ZPLD1: variants seen among roughly 807,000 people sequenced by gnomAD.
ZPLD1 encodes zona pellucida-like domain-containing protein 1.
In ZPLD1, 34 loss-of-function variants were observed where a neutral mutation model predicts 47.2. That is an observed-to-expected ratio of 0.72 (90% CI 0.55 to 0.96). ZPLD1 has a LOEUF of 0.96. ZPLD1 is among the 40% of genes least tolerant of loss of function. The pLI, the probability that ZPLD1 is intolerant of heterozygous loss-of-function variation, is 0.00. For synonymous variants in ZPLD1, 176 were observed against 186.2 expected, an observed-to-expected ratio of 0.95 and a Z score of 0.45; for missense variants, 512 against 505.8, an observed-to-expected ratio of 1.01 and a Z score of -0.12.
chr3:102,448,237 A>G (rs1160158490), intron 3 of ZPLD1, among the ~76,000 whole-genome samples: 2 of 152,188 alleles, frequency 1.3e-5, no homozygotes, highest in Non-Finnish European at 2.9e-5. Context: ...CTGCCATTTG[A>G]CATACTTAGT....
chr3:102,445,050 C>T (rs192738201), intron 3 of ZPLD1, among the ~76,000 whole-genome samples: 2 of 152,194 alleles, frequency 1.3e-5, no homozygotes, highest in African/African-American at 2.4e-5. Context: ...ACAGGCACCA[C>T]CACTGCCAGA....
rs780872888 is a variant in ZPLD1, at chr3:102,477,495, A to G, written c.1125A>G (p.Ile375Met). The G allele has an allele frequency of 3.7e-5, 60 of 1,613,708 alleles. No individual in the cohort carries two copies. The highest frequency in any genetic ancestry group is 4.7e-5 in the Non-Finnish European group (55 of 1,179,776). ...FQLNAITSAL[I>M]SGMVILGVTS... ...TGAACGCCATCACCAGCGCACTGAT[A>G]TCAGGAATGGTCATTCTGGGAGTTA... The change falls in exon 12 of 12, where the codon ATA (isoleucine) becomes ATG (methionine). Residue 375 changes from isoleucine (I) to methionine (M), a missense_variant. Ile to Met is a conservative substitution (Grantham distance 10). Transcript: ENST00000466937.
At chr3:102,435,230 G>C in intron 1 of ZPLD1, 76 bp downstream of exon 1, 2 of 1,544,926 alleles carry the variant, frequency 1.3e-6, no homozygotes, top group Non-Finnish European at 1.8e-6. Context: ...CTATAAAGAA[G>C]GCTTGAAAAT....
chr3:102,470,526 T>G (rs768007559), intron 10 of ZPLD1, 24 bp downstream of exon 10: 2 of 1,597,046 alleles, frequency 1.3e-6, no homozygotes, highest in South Asian at 1.1e-5. Context: ...TCCTTCTGTA[T>G]GTAGTAATAG....
intron 10 of ZPLD1, among the ~76,000 whole-genome samples, chr3:102,474,333 G>A (rs1481762070): frequency 3.3e-5 from 5 of 152,216 alleles, no homozygotes; most frequent in African/African-American, 1.2e-4. Context: ...AACCCAAGCC[G>A]TATTCTTGTT....
intron 2 of ZPLD1, among the ~76,000 whole-genome samples, chr3:102,437,671 A>G (rs1429066757): frequency 6.6e-6 from 1 of 152,234 alleles, no homozygotes; most frequent in African/African-American, 2.4e-5. Flanking sequence ...GCATCCAGGA[A>G]AAAGAATTAT....
At chr3:102,465,437 G>T (rs527960656) in intron 8 of ZPLD1, among the ~76,000 whole-genome samples, 1 of 151,990 alleles carries the variant, frequency 6.6e-6, no homozygotes, top group Non-Finnish European at 1.5e-5. Flanking sequence ...AACATTTAAA[G>T]GTATTAAAAT....
At chr3:102,425,037 A>G (rs1202500164) in intron 8 of ZPLD1, among the ~76,000 whole-genome samples, 1 of 151,242 alleles carries the variant, frequency 6.6e-6, no homozygotes, top group African/African-American at 2.4e-5. Flanking sequence ...ATTTCTTTTT[A>G]GTGAAGAAAG....
intron 4 of ZPLD1, among the ~76,000 whole-genome samples, chr3:102,455,052 G>T (rs1300535380): frequency 6.6e-6 from 1 of 152,144 alleles, no homozygotes; most frequent in Admixed American, 6.6e-5. Flanking sequence ...AATTAAGTTG[G>T]CTACTAAGTC....
Position 102,469,474 on chromosome 3 carries a change from T to TGA in ZPLD1, c.933+346_933+347dup, listed in dbSNP as rs1398728248. Among the ~76,000 whole-genome samples the TGA allele has an allele frequency of 2.6e-5, 4 of 152,304 alleles. No homozygotes were observed. In the East Asian group the frequency reaches 7.7e-4, roughly 29 times the overall value. Reference sequence around the variant, plus strand: ...TAGTAACAGGCAGTATTCACCATTGTGAGAGAGATGAAGCAGGAGAGGTTG... The same window carrying TGA: ...TAGTAACAGGCAGTATTCACCATTGTGAGAGAGAGATGAAGCAGGAGAGGTTG... On this transcript the variant is annotated intron_variant, in intron 9 of 11. Coordinates refer to ENST00000466937, the MANE Select transcript of ZPLD1 (RefSeq NM_001329788.2).
At chr3:102,424,410 A>T (rs965812495) in intron 8 of ZPLD1, among the ~76,000 whole-genome samples, 2 of 152,162 alleles carry the variant, frequency 1.3e-5, no homozygotes, top group African/African-American at 4.8e-5. Context: ...ATTTATAACA[A>T]GCATCCTCCC....
chr3:102,440,559 A>C (rs1217066462), intron 3 of ZPLD1, among the ~76,000 whole-genome samples: 14 of 152,166 alleles, frequency 9.2e-5, no homozygotes, highest in Non-Finnish European at 1.9e-4. Context: ...ATATAGTGGC[A>C]GTTTCTTTTA....
chr3:102,417,712 C>G (rs1706825744), intron 7 of ZPLD1, among the ~76,000 whole-genome samples: 1 of 151,894 alleles, frequency 6.6e-6, no homozygotes, highest in Non-Finnish European at 1.5e-5. Flanking sequence ...CGAAGCACAA[C>G]AGGACATTGA....
chr3:102,456,452 A>C lies in ZPLD1; in HGVS notation c.509+78A>C, dbSNP rs561481510. The stretch of plus-strand genomic sequence containing the variant: ...TTTCGTATCTTTCAGGGACTTAGAA[A>C]GATAGCAGGATTTATTAAAAATAGT... On this transcript the variant is annotated intron_variant, in intron 5 of 11. Coordinates refer to ENST00000466937, the MANE Select transcript of ZPLD1 (RefSeq NM_001329788.2). 7 of 1,236,772 alleles carry C rather than the reference A, an allele frequency of 5.7e-6. No individual in the cohort carries two copies. The African/African-American group carries it at 1.1e-4, about 19-fold the overall frequency. The allele number at this position is 1,236,772 out of a possible 1,614,324, so 76.6% of individuals were successfully genotyped here.
chr3:102,453,039 A>G lies in ZPLD1; in HGVS notation c.227A>G (p.Asp76Gly). 1 of 1,613,804 alleles carries G rather than the reference A, an allele frequency of 6.2e-7. No homozygotes were observed. Among genetic ancestry groups the G allele is most frequent in the East Asian group, 2.2e-5 (1 of 44,862 alleles). ...CTGGCACTGAATGGAAGGCATGGGG[A>G]CTCCCACTGCAGAGGGTTCATCAAT... ...TDLALNGRHGDSHCRGFINNN... is the reference protein window; with the variant it reads ...TDLALNGRHGGSHCRGFINNN... The change falls in exon 4 of 12, where the codon GAC (aspartate) becomes GGC (glycine). Residue 76 changes from aspartate (D) to glycine (G), a missense_variant. Transcript: ENST00000466937.
chr3:102,432,950 A>T (rs1163514405), upstream of ZPLD1, among the ~76,000 whole-genome samples: 1 of 152,170 alleles, frequency 6.6e-6, no homozygotes, highest in Non-Finnish European at 1.5e-5. Flanking sequence ...TCCACCTTAG[A>T]ACTTCCTACT....
intron 7 of ZPLD1, among the ~76,000 whole-genome samples, chr3:102,462,605 G>A (rs183756606): frequency 6.6e-6 from 1 of 151,724 alleles, no homozygotes; most frequent in Non-Finnish European, 1.5e-5. Context: ...AAAGAAGGGG[G>A]GTGGTTCTTG....
intron 3 of ZPLD1, among the ~76,000 whole-genome samples, chr3:102,442,518 AG>A (rs1383162704): frequency 6.6e-6 from 1 of 152,132 alleles, no homozygotes; most frequent in Non-Finnish European, 1.5e-5. Context: ...GTTTGCAAAA[AG>A]AAGATCAGAG....
At position 102,470,702 on chromosome 3, in the gene ZPLD1, C is replaced by T. The variant is rs566415441; in HGVS notation, c.1042+200C>T. ...ACAAAGGGCAATATTGTCTTTACTA[C>T]GTTTCCTGTTTTCACACACACATAC... On this transcript the variant is annotated intron_variant, in intron 10 of 11. Transcript: ENST00000466937. Among the ~76,000 whole-genome samples, 72 of 150,310 alleles carry T rather than the reference C, an allele frequency of 4.8e-4. 1 individual carries two copies. The highest frequency in any genetic ancestry group is 1.7e-3 in the African/African-American group (70 of 40,266).
Sources: allele counts gnomAD v4.1 joint callset (sites outside exome capture counted in the v4.1 genomes callset), GRCh38; gene constraint gnomAD v4.1.1; transcripts MANE v1.5; gene names NCBI Gene and HGNC (gene_info 2026-07-23, HGNC 2026-07-21).